The following RSAD2 variants were observed in gnomAD, a reference collection of about 807,000 sequenced individuals.
RSAD2 encodes the protein S-adenosylmethionine-dependent nucleotide dehydratase RSAD2.
In RSAD2, 38 loss-of-function variants were observed where a neutral mutation model predicts 37.7. That is an observed-to-expected ratio of 1.01 (90% CI 0.78 to 1.32). RSAD2 has a LOEUF of 1.32. Ranked by LOEUF, RSAD2 falls within the 40% of genes most tolerant of loss-of-function variation. RSAD2 has a pLI of 0.00. For synonymous variants in RSAD2, 163 were observed against 157.4 expected, an observed-to-expected ratio of 1.04 and a Z score of -0.27; for missense variants, 428 against 437.5, an observed-to-expected ratio of 0.98 and a Z score of 0.19.
chr2:6,886,844 A>T, intron 2 of RSAD2, 91 bp from the exon 3 acceptor site: 1 of 898,026 alleles, frequency 1.1e-6, no homozygotes, highest in Non-Finnish European at 1.7e-6. Flanking sequence ...TTAAAAATTT[A>T]AACAAGATAT....
At position 6,887,016 on chromosome 2, in the gene RSAD2, A is replaced by G. The variant is rs369119715; in HGVS notation, c.590A>G (p.Lys197Arg). 8.1e-6 allele frequency: 13 copies of G among 1,614,092 alleles called. No individual in the cohort carries two copies. The highest frequency in any genetic ancestry group is 1.3e-5 in the African/African-American group (1 of 74,946). ...VNVLIGRGQG[K>R]KNHVENLQKL... ...GTCCTTATTGGCCGTGGCCAAGGAA[A>G]GAAGAACCATGTGGAAAACCTTCAA... Residue 197 changes from lysine (K) to arginine (R), a missense_variant, in exon 3 of 6, where the codon AAG (lysine) becomes AGG (arginine). By Grantham distance (26) the Lys-to-Arg change is conservative. Transcript: ENST00000382040.
intron 1 of RSAD2, chr2:6,878,708 C>A: frequency 2.3e-6 from 1 of 435,596 alleles, no homozygotes. Context: ...AGCATCACCA[C>A]ATTAGTAACT....
intron 1 of RSAD2, among the ~76,000 whole-genome samples, chr2:6,881,005 A>T (rs1204890039): frequency 6.6e-6 from 1 of 152,132 alleles, no homozygotes; most frequent in Admixed American, 6.6e-5. Flanking sequence ...TGTTAACACT[A>T]TTGTAAATAA....
chr2:6,874,287 A>G (rs545153457), upstream of RSAD2, among the ~76,000 whole-genome samples: 3 of 152,298 alleles, frequency 2.0e-5, no homozygotes, highest in East Asian at 5.8e-4. Flanking sequence ...GAATGAGCCA[A>G]TTCAACCTAT....
intron 1 of RSAD2, chr2:6,866,361 C>A: frequency 1.1e-6 from 1 of 875,896 alleles, no homozygotes; most frequent in Non-Finnish European, 1.4e-6. Context: ...TCTTCCCTCT[C>A]CTGTATCTTA....
chr2:6,865,909 C>T (rs2103231647), exon 1 of RSAD2: 2 of 1,410,364 alleles, frequency 1.4e-6, no homozygotes, highest in South Asian at 2.7e-5. Context: ...GCGAGATGTG[C>T]GCGATAAACG....
intron 1 of RSAD2, among the ~76,000 whole-genome samples, chr2:6,867,610 C>T (rs1663126534): frequency 6.6e-6 from 1 of 152,090 alleles, no homozygotes; most frequent in Non-Finnish European, 1.5e-5. Context: ...CTCCTGTGTC[C>T]CCCACCAAGG....
At chr2:6,866,778 A>T (rs1663101347) in intron 1 of RSAD2, 1 of 152,228 alleles carries the variant, frequency 6.6e-6, no homozygotes, top group African/African-American at 2.4e-5. Context: ...TCAAAAAAAT[A>T]GAATTGAGAC....
Position 6,883,241 on chromosome 2 carries a change from A to C in RSAD2, c.347-130A>C, listed in dbSNP as rs1663449152. The C allele has an allele frequency of 4.2e-6, 4 of 961,362 alleles. No individual in the cohort carries two copies. The South Asian group carries it at 6.9e-5, about 17-fold the overall frequency. The allele number at this position is 961,362 out of a possible 1,614,324, so 59.6% of individuals were successfully genotyped here. On this transcript the variant is annotated intron_variant, in intron 1 of 5. Transcript: ENST00000382040. ...TTGGGTGGGATTGGTGTTGGGAACT[A>C]GGGTTAGGGGAGGGGAAATTAATGA...
upstream of RSAD2, among the ~76,000 whole-genome samples, chr2:6,875,114 T>C (rs1391020080): frequency 6.6e-6 from 1 of 152,148 alleles, no homozygotes; most frequent in Non-Finnish European, 1.5e-5. Context: ...AGTTCCTGTA[T>C]GATTAATGTG....
In RSAD2 at chr2:6,897,216, A is replaced by G. The variant is rs1366834591; in HGVS notation, c.*1274A>G. The G allele has an allele frequency of 2.0e-5, 3 of 152,256 alleles. No homozygotes were observed. The highest frequency in any genetic ancestry group is 4.4e-5 in the Non-Finnish European group (3 of 68,054). 9.4% of individuals were successfully genotyped at this position (152,256 alleles called of 1,614,324 possible). Reference sequence around the variant, plus strand: ...GAAATATCCCATGCAGTTTGTTGATACAACTTAGTATCTTATTGCCTAAAA... The same window carrying G: ...GAAATATCCCATGCAGTTTGTTGATGCAACTTAGTATCTTATTGCCTAAAA... On this transcript the variant is annotated 3_prime_UTR_variant, in exon 6 of 6. Coordinates refer to ENST00000382040, the MANE Select transcript of RSAD2 (RefSeq NM_080657.5).
At chr2:6,871,372 C>G (rs1262347782) in intron 1 of RSAD2, among the ~76,000 whole-genome samples, 1 of 152,190 alleles carries the variant, frequency 6.6e-6, no homozygotes, top group African/African-American at 2.4e-5. Context: ...AACTATTTCT[C>G]TAGACTCATC....
rs1663607445 is a variant in RSAD2 at position 6,890,434 on chromosome 2, G to A, written c.888+109G>A. ...ACACATTGTTATTTTAGAGGGTTCG[G>A]TGGTGAGAAATGGGAGGAATGCCAT... On this transcript the variant is annotated intron_variant, in intron 4 of 5. Coordinates refer to ENST00000382040, the MANE Select transcript of RSAD2 (RefSeq NM_080657.5). 20 of 1,230,058 alleles carry A rather than the reference G, an allele frequency of 1.6e-5. No homozygotes were observed. In the South Asian group the frequency reaches 2.2e-4, roughly 13 times the overall value. 76.2% of individuals were successfully genotyped at this position (1,230,058 alleles called of 1,614,324 possible). A position where few individuals can be genotyped will look rare whatever the true frequency, so the allele number is the denominator to read the frequency against.
Position 6,896,059 on chromosome 2 carries a change from T to C in RSAD2, c.*117T>C. The C allele has an allele frequency of 1.1e-6, 1 of 949,592 alleles. No homozygotes were observed. The highest frequency in any genetic ancestry group is 2.6e-5 in the Admixed American group (1 of 37,986). The allele number at this position is 949,592 out of a possible 1,614,324, so 58.8% of individuals were successfully genotyped here. ...AGTGGCTGAAAACCTGATTTTCTGC[T>C]GCACGTGGCATCTGATTACCTGTGG... On this transcript the variant is annotated 3_prime_UTR_variant, in exon 6 of 6. Coordinates refer to ENST00000382040, the MANE Select transcript of RSAD2 (RefSeq NM_080657.5).
At chr2:6,869,582 A>G (rs1187700375) in intron 1 of RSAD2, among the ~76,000 whole-genome samples, 1 of 152,232 alleles carries the variant, frequency 6.6e-6, no homozygotes, top group Admixed American at 6.5e-5. Flanking sequence ...AAAGTGTACA[A>G]TATACAATGA....
chr2:6,878,762 A>C, intron 1 of RSAD2: 2 of 1,057,490 alleles, frequency 1.9e-6, no homozygotes, highest in African/African-American at 1.7e-5. Context: ...TTCGAATGCA[A>C]TATCTTCCAC....
intron 1 of RSAD2, chr2:6,878,680 C>T (rs1663338547): frequency 3.8e-6 from 1 of 260,532 alleles, no homozygotes; most frequent in African/African-American, 2.3e-5. Context: ...AGGACTTAGC[C>T]TTCAAGAATG....
chr2:6,895,851 C>G lies in RSAD2; in HGVS notation c.995C>G (p.Ala332Gly), dbSNP rs996051086. Residue 332 changes from alanine (A) to glycine (G), a missense_variant, in exon 6 of 6, where the codon GCT (alanine) becomes GGT (glycine). Ala to Gly is a moderately conservative substitution (Grantham distance 60). Transcript: ENST00000382040. ...ATCCTGGATGTTGGTGTAGAAGAAG[C>G]TATAAAATTCAGTGGATTTGATGAA... is the stretch of plus-strand genomic sequence containing the variant. ...KSILDVGVEEAIKFSGFDEKM... is the reference protein window; with the variant it reads ...KSILDVGVEEGIKFSGFDEKM... 2 of 1,614,094 alleles carry G rather than the reference C, an allele frequency of 1.2e-6. No homozygotes were observed. Among genetic ancestry groups the G allele is most frequent in the Admixed American group, 3.3e-5 (2 of 60,030 alleles).
At chr2:6,885,233 T>G (rs1304566140) in intron 2 of RSAD2, among the ~76,000 whole-genome samples, 1 of 152,216 alleles carries the variant, frequency 6.6e-6, no homozygotes, top group Non-Finnish European at 1.5e-5. Context: ...GTACTTTCTC[T>G]CTAGCAGTGA....
Sources: allele counts gnomAD v4.1 joint callset (sites outside exome capture counted in the v4.1 genomes callset), GRCh38; gene constraint gnomAD v4.1.1; transcripts MANE v1.5; gene names NCBI Gene and HGNC (gene_info 2026-07-23, HGNC 2026-07-21).